Variants in SRRM4 observed in about 807,000 individuals in gnomAD.
SRRM4 encodes the protein serine/arginine repetitive matrix protein 4.
In SRRM4, 33 loss-of-function variants were observed where a neutral mutation model predicts 68.9. The observed-to-expected ratio is 0.48, with a 90% CI of 0.36 to 0.64. SRRM4 has a LOEUF of 0.64. SRRM4 is among the 30% of genes least tolerant of loss of function. SRRM4 has a pLI of 0.00. For missense variants in SRRM4, 817 were observed against 827.1 expected (o/e 0.99, Z 0.15); for synonymous variants, 318 against 318.8 (o/e 1.00, Z 0.03).
At chr12:119,100,600 G>T (rs950894545) in intron 1 of SRRM4, among the ~76,000 whole-genome samples, 1 of 152,110 alleles carries the variant, frequency 6.6e-6, no homozygotes. Flanking sequence ...TCTCCGTCTT[G>T]TTCACTGTGT....
chr12:119,077,753 C>G (rs1038050462), intron 1 of SRRM4, among the ~76,000 whole-genome samples: 2 of 152,152 alleles, frequency 1.3e-5, no homozygotes, highest in Non-Finnish European at 2.9e-5. Context: ...ATCTGGCACA[C>G]AGTAGCTATC....
chr12:118,997,972 C>T (rs1195185463), intron 1 of SRRM4, among the ~76,000 whole-genome samples: 1 of 152,156 alleles, frequency 6.6e-6, no homozygotes, highest in Non-Finnish European at 1.5e-5. Flanking sequence ...TACTGACACA[C>T]TAACTGTGTG....
chr12:119,036,320 C>T (rs901502674), intron 1 of SRRM4, among the ~76,000 whole-genome samples: 9 of 152,132 alleles, frequency 5.9e-5, no homozygotes, highest in Non-Finnish European at 1.3e-4. Context: ...TTTGATAGCC[C>T]GCTCTGGCTT....
chr12:118,982,899 A>T (rs1386313021), intron 1 of SRRM4, among the ~76,000 whole-genome samples: 1 of 152,040 alleles, frequency 6.6e-6, no homozygotes, highest in Non-Finnish European at 1.5e-5. Context: ...AAATCATTCA[A>T]TTTAGAGGAG....
intron 1 of SRRM4, among the ~76,000 whole-genome samples, chr12:119,018,537 C>T (rs1953495551): frequency 6.6e-6 from 1 of 152,080 alleles, no homozygotes; most frequent in South Asian, 2.1e-4. Flanking sequence ...TCATTGGTTT[C>T]TTTAACTCTT....
chr12:119,135,331 A>G (rs542654003), intron 8 of SRRM4, among the ~76,000 whole-genome samples: 5 of 152,292 alleles, frequency 3.3e-5, no homozygotes, highest in African/African-American at 1.2e-4. Flanking sequence ...GCCAAAGATA[A>G]TGGCAGGTTT....
At chr12:119,145,325 G>GA in intron 8 of SRRM4, 56 bp from the exon 9 acceptor site, 1 of 1,443,892 alleles carries the variant, frequency 6.9e-7, no homozygotes, top group Admixed American at 2.3e-5. Context: ...TGGTTATTTA[G>GA]AAACAGCCCA....
chr12:119,028,956 A>C (rs996965837), intron 1 of SRRM4, among the ~76,000 whole-genome samples: 5 of 152,248 alleles, frequency 3.3e-5, no homozygotes, highest in African/African-American at 1.2e-4. Flanking sequence ...GAGGACACAC[A>C]GTGAGAATTG....
intron 1 of SRRM4, among the ~76,000 whole-genome samples, chr12:118,986,438 G>A (rs76660304): frequency 0.039 from 5,907 of 152,248 alleles, 159 homozygotes; most frequent in Non-Finnish European, 0.052. Flanking sequence ...CCCGGCACAC[G>A]TGCTATCTTA....
intron 1 of SRRM4, among the ~76,000 whole-genome samples, chr12:119,019,580 C>T (rs185643789): frequency 6.6e-6 from 1 of 152,246 alleles, no homozygotes; most frequent in Admixed American, 6.5e-5. Flanking sequence ...GCTCATGCAC[C>T]CTGTTACCTT....
chr12:119,116,271 C>A (rs746052477), intron 3 of SRRM4, among the ~76,000 whole-genome samples: 1 of 152,190 alleles, frequency 6.6e-6, no homozygotes, highest in Non-Finnish European at 1.5e-5. Flanking sequence ...CTTAGGTCAC[C>A]TGAGCCTCAG....
chr12:119,002,307 G>C (rs1851833162), intron 1 of SRRM4, among the ~76,000 whole-genome samples: 1 of 152,068 alleles, frequency 6.6e-6, no homozygotes, highest in South Asian at 2.1e-4. Context: ...TTGCAAGCTG[G>C]TATCCCATTT....
intron 1 of SRRM4, among the ~76,000 whole-genome samples, chr12:119,085,603 G>A (rs1250658234): frequency 1.3e-5 from 2 of 152,210 alleles, no homozygotes; most frequent in South Asian, 2.1e-4. Flanking sequence ...ACGCATGAGA[G>A]CCATGTTGAG....
intron 1 of SRRM4, among the ~76,000 whole-genome samples, chr12:119,091,037 G>C (rs1471677775): frequency 6.6e-6 from 1 of 152,164 alleles, no homozygotes; most frequent in Non-Finnish European, 1.5e-5. Flanking sequence ...GGCTTGTCTG[G>C]TCTGTCCTCT....
At chr12:119,012,825 T>C (rs1419411206) in intron 1 of SRRM4, among the ~76,000 whole-genome samples, 1 of 152,230 alleles carries the variant, frequency 6.6e-6, no homozygotes. Flanking sequence ...ATACTTCCTC[T>C]GTTTGGTGAT....
At position 119,156,506 on chromosome 12, in the gene SRRM4, G is replaced by T. The variant is rs1313034116; in HGVS notation, c.1544G>T (p.Arg515Leu). ...TCTGGTCTCTGCAGTGCCCGGAAAC[G>T]CCCCATCCCCTACTATCGGCCCAGC... ...EARRITSARK[R>L]PIPYYRPSPS... is the part of the protein sequence containing the mutation. The change falls in exon 13 of 13, where the codon CGC becomes CTC. Residue 515 changes from arginine (R) to leucine (L), a missense_variant. Physicochemically the swap from Arg to Leu is moderately radical, Grantham distance 102 (BLOSUM62 -2). Transcript: ENST00000267260. The T allele has an allele frequency of 6.2e-7, 1 of 1,605,938 alleles. No homozygotes were observed. The highest frequency in any genetic ancestry group is 8.5e-7 in the Non-Finnish European group (1 of 1,176,230).
chr12:119,118,968 G>T (rs1472136993), intron 4 of SRRM4, among the ~76,000 whole-genome samples: 2 of 151,828 alleles, frequency 1.3e-5, no homozygotes, highest in African/African-American at 4.8e-5. Flanking sequence ...TCCTGGTCCA[G>T]CCTCTCCAGG....
At chr12:118,996,041 T>C (rs1228762947) in intron 1 of SRRM4, among the ~76,000 whole-genome samples, 1 of 152,220 alleles carries the variant, frequency 6.6e-6, no homozygotes, top group Non-Finnish European at 1.5e-5. Context: ...CACCTTTGCA[T>C]CTAACCAACA....
chr12:119,041,430 G>C (rs886388279), intron 1 of SRRM4, among the ~76,000 whole-genome samples: 1 of 152,192 alleles, frequency 6.6e-6, no homozygotes, highest in Non-Finnish European at 1.5e-5. Flanking sequence ...GAGTAGGAAA[G>C]TACTTTTCAC....
Sources: gnomAD v4.1 joint callset for allele counts (sites outside exome capture counted in the v4.1 genomes callset) on GRCh38, gnomAD v4.1.1 for gene constraint, MANE v1.5 for transcripts, NCBI Gene and HGNC (gene_info 2026-07-23, HGNC 2026-07-21) for gene names.